The following LRRC14B variants were observed in gnomAD, a reference collection of about 807,000 sequenced individuals.
The protein encoded by LRRC14B is leucine rich repeat containing 14B, also known as leucine-rich repeat-containing protein 14B.
LRRC14B carries 23 observed loss-of-function variants against 16.9 expected under a neutral mutation model. That is an observed-to-expected ratio of 1.36 (90% CI 0.98 to 1.92). LRRC14B has a LOEUF of 1.92. Ranked by LOEUF, LRRC14B falls within the 30% of genes most tolerant of loss-of-function variation. The pLI is 0.00. For synonymous variants in LRRC14B, 358 were observed against 332.5 expected (o/e 1.08, Z -0.83); for missense variants, 766 against 705.7 (o/e 1.09, Z -0.97).
Position 192,167 on chromosome 5 carries a change from CG to C in LRRC14B, c.632del (p.Gly211ValfsTer81). On this transcript the variant is annotated frameshift_variant, in exon 1 of 2. Transcript: ENST00000328278. LOFTEE classifies it high-confidence loss of function. ...CTGCACGTGCTGCGTCTGGCTGGCC[CG>C]GGTGCCCTGCGCAAGCTGGAGGTGG... ...QLLHVLRLAG[P>X]GALRKLEVVH... The C allele has an allele frequency of 6.3e-7, 1 of 1,599,006 alleles. No homozygotes were observed. Among genetic ancestry groups the C allele is most frequent in the South Asian group, 1.1e-5 (1 of 88,578 alleles).
Position 192,202 on chromosome 5 carries a change from G to C in LRRC14B, c.664G>C (p.Val222Leu), listed in dbSNP as rs762837076. 34 of 1,600,390 alleles carry C rather than the reference G, an allele frequency of 2.1e-5. No homozygotes were observed. The highest frequency in any genetic ancestry group is 2.7e-5 in the Non-Finnish European group (32 of 1,174,590). The change falls in exon 1 of 2, where the codon GTG becomes CTG. Residue 222 changes from valine (V) to leucine (L), a missense_variant. By Grantham distance (32) the Val-to-Leu change is conservative. Coordinates refer to ENST00000328278, the MANE Select transcript of LRRC14B (RefSeq NM_001080478.3). Reference sequence around the variant, plus strand: ...GCGCAAGCTGGAGGTGGTGCACAACGTGCGGCTGCATGCGGGCCACGTGCA... The same window carrying C: ...GCGCAAGCTGGAGGTGGTGCACAACCTGCGGCTGCATGCGGGCCACGTGCA... ...ALRKLEVVHN[V>L]RLHAGHVQQL... is the part of the protein sequence containing the mutation.
Position 194,986 on chromosome 5 carries a change from T to G in LRRC14B, c.1178T>G (p.Leu393Arg). The G allele has an allele frequency of 6.2e-7, 1 of 1,613,480 alleles. No individual in the cohort carries two copies. The highest frequency in any genetic ancestry group is 1.1e-5 in the South Asian group (1 of 91,082). The part of the protein sequence containing the change: ...GLSPCHRLRQ[L>R]KFLGNPLSAR... ...AGCCCCTGCCACCGGCTGCGCCAGC[T>G]CAAGTTCCTCGGGAACCCGCTGTCG... Residue 393 changes from leucine (L) to arginine (R), a missense_variant, in exon 2 of 2, where the codon CTC (leucine) becomes CGC (arginine). Coordinates refer to ENST00000328278, the MANE Select transcript of LRRC14B (RefSeq NM_001080478.3).
chr5:193,057 GAGGGGGATGCCCGGCGGTGGGTCCA>G (rs1464241964), intron 1 of LRRC14B, among the ~76,000 whole-genome samples: 1 of 152,136 alleles, frequency 6.6e-6, no homozygotes, highest in African/African-American at 2.4e-5. Context: ...AGGCAGTGGT[GAGGGGGATGCCCGGCGGTGGGTCCA>G]AGGGGGGTGC....
chr5:192,038 G>A lies in LRRC14B; in HGVS notation c.500G>A (p.Gly167Asp). 4 of 1,541,156 alleles carry A rather than the reference G, an allele frequency of 2.6e-6. No homozygotes were observed. Among genetic ancestry groups the A allele is most frequent in the Non-Finnish European group, 3.5e-6 (4 of 1,149,168 alleles). The change falls in exon 1 of 2, where the codon GGC becomes GAC. Residue 167 changes from glycine (G) to aspartate (D), a missense_variant. Transcript: ENST00000328278. Reference protein sequence around the residue: ...EVLADLFVTEGNFEAVVQALR... With the variant: ...EVLADLFVTEDNFEAVVQALR... ...CTCGCCGACCTCTTCGTCACTGAGG[G>A]CAACTTCGAGGCGGTGGTGCAGGCT...
chr5:195,689 C>A lies in LRRC14B; in HGVS notation c.*336C>A. The A allele has an allele frequency of 2.8e-6, 1 of 352,726 alleles. No homozygotes were observed. Among genetic ancestry groups the A allele is most frequent in the South Asian group, 3.1e-5 (1 of 32,094 alleles). The allele number at this position is 352,726 out of a possible 1,614,324, so 21.8% of individuals were successfully genotyped here. A position where few individuals can be genotyped will look rare whatever the true frequency, so the allele number is the denominator to read the frequency against. On this transcript the variant is annotated 3_prime_UTR_variant, in exon 2 of 2. Transcript: ENST00000328278. ...TGAGGAGTGGCCGACCTGGCCTCAG[C>A]GCATCTGGGCACTGGGCGCAAGATG...
chr5:195,141 A>G lies in LRRC14B; in HGVS notation c.1333A>G (p.Lys445Glu). The G allele has an allele frequency of 6.2e-7, 1 of 1,613,986 alleles. No homozygotes were observed. The highest frequency in any genetic ancestry group is 1.7e-5 in the Admixed American group (1 of 60,032). Residue 445 changes from lysine (K) to glutamate (E), a missense_variant, in exon 2 of 2, where the codon AAG becomes GAG. Transcript: ENST00000328278. ...AYPQDELAMS[K>E]FNQQKYDEIA... ...CCCACAGGACGAGCTGGCCATGTCC[A>G]AGTTCAACCAGCAGAAATACGACGA...
chr5:191,830 G>T lies in LRRC14B; in HGVS notation c.292G>T (p.Val98Leu), dbSNP rs751175193. Residue 98 changes from valine (V) to leucine (L), a missense_variant, in exon 1 of 2, where the codon GTG becomes TTG. By Grantham distance (32) the Val-to-Leu change is conservative (BLOSUM62 1). Transcript: ENST00000328278. ...GCTGGTGCGCGGCCTCGCGGACCAC[G>T]TGCTGCAGGACCGGAGCCGCCGGCG... is the stretch of plus-strand genomic sequence containing the variant. ...EALVRGLADHVLQDRSRRRLR... is the reference protein window; with the variant it reads ...EALVRGLADHLLQDRSRRRLR... 3 of 1,529,598 alleles carry T rather than the reference G, an allele frequency of 2.0e-6. No homozygotes were observed. The African/African-American group carries it at 4.1e-5, about 21-fold the overall frequency. The allele number at this position is 1,529,598 out of a possible 1,614,324, so 94.8% of individuals were successfully genotyped here. A position where few individuals can be genotyped will look rare whatever the true frequency, so the allele number is the denominator to read the frequency against.
intron 1 of LRRC14B, among the ~76,000 whole-genome samples, chr5:193,344 G>A (rs1733847968): frequency 6.7e-6 from 1 of 149,088 alleles, no homozygotes; most frequent in South Asian, 2.2e-4. Flanking sequence ...GGGTCTAGGG[G>A]GAAGGGGTGC....
At position 192,398 on chromosome 5, in the gene LRRC14B, CCTT is replaced by C. The variant is rs769997136; in HGVS notation, c.863_865del (p.Phe288del). On this transcript the variant is annotated inframe_deletion, in exon 1 of 2. Transcript: ENST00000328278. ...GCGCAGCTCACTGAGCTCAGTGTGG[CCTT>C]CTCCACGCTGACCGGGAAGATCCCG... The C allele has an allele frequency of 6.4e-7, 1 of 1,569,932 alleles. No homozygotes were observed. Among genetic ancestry groups the C allele is most frequent in the East Asian group, 2.3e-5 (1 of 43,578 alleles).
In LRRC14B at chr5:195,630, C is replaced by A; in HGVS notation, c.*277C>A. 1 of 470,988 alleles carries A rather than the reference C, an allele frequency of 2.1e-6. No individual in the cohort carries two copies. Among genetic ancestry groups the A allele is most frequent in the Non-Finnish European group, 3.9e-6 (1 of 258,690 alleles). 29.2% of individuals were successfully genotyped at this position (470,988 alleles called of 1,614,324 possible). A position where few individuals can be genotyped will look rare whatever the true frequency, so the allele number is the denominator to read the frequency against. ...GTGACAGGGTCAGCGGGGGCAGACG[C>A]CACATGGCAAAGAGCAGAGAAGCCC... On this transcript the variant is annotated 3_prime_UTR_variant, in exon 2 of 2. Transcript: ENST00000328278.
At chr5:193,311 T>C (rs1333713749) in intron 1 of LRRC14B, among the ~76,000 whole-genome samples, 1 of 122,080 alleles carries the variant, frequency 8.2e-6, no homozygotes, top group African/African-American at 3.2e-5. Context: ...CAGTTTTGGG[T>C]CCTGGGGGTG....
In LRRC14B at chr5:194,993, C is replaced by T. The variant is rs1158744895; in HGVS notation, c.1185C>T (p.Phe395=). 3 of 1,613,308 alleles carry T rather than the reference C, an allele frequency of 1.9e-6. No homozygotes were observed. The change falls in exon 2 of 2, where the codon TTC becomes TTT. Residue 395 remains phenylalanine (F), a synonymous_variant. Coordinates refer to ENST00000328278, the MANE Select transcript of LRRC14B (RefSeq NM_001080478.3). ...GCCACCGGCTGCGCCAGCTCAAGTT[C>T]CTCGGGAACCCGCTGTCGGCCCGCG... ...SPCHRLRQLK[F]LGNPLSARAL...
chr5:192,769 A>C (rs924882816), intron 1 of LRRC14B, among the ~76,000 whole-genome samples: 1 of 152,240 alleles, frequency 6.6e-6, no homozygotes, highest in Non-Finnish European at 1.5e-5. Flanking sequence ...GACTCACCCC[A>C]ACACTTGGGG....
At chr5:193,498 T>G (rs1579349489) in intron 1 of LRRC14B, among the ~76,000 whole-genome samples, 2 of 66,690 alleles carry the variant, frequency 3.0e-5, no homozygotes, top group African/African-American at 6.5e-5. Context: ...TGCCTGGCGG[T>G]GGTAGGGGTG....
chr5:192,174 C>A lies in LRRC14B; in HGVS notation c.636C>A (p.Ala212=). The stretch of plus-strand genomic sequence containing the variant: ...TGCTGCGTCTGGCTGGCCCGGGTGC[C>A]CTGCGCAAGCTGGAGGTGGTGCACA... The part of the protein sequence containing the change: ...LHVLRLAGPG[A]LRKLEVVHNV... The change falls in exon 1 of 2, where the codon GCC becomes GCA. Residue 212 remains alanine, a synonymous_variant. Coordinates refer to ENST00000328278, the MANE Select transcript of LRRC14B (RefSeq NM_001080478.3). 6.2e-7 allele frequency: 1 copy of A among 1,600,242 alleles called. No homozygotes were observed. Among genetic ancestry groups the A allele is most frequent in the Admixed American group, 1.7e-5 (1 of 58,586 alleles).
rs754123581 is a variant in LRRC14B, at chr5:194,696, C to T, written c.900-12C>T. ...CTCCTCTCACCTGTGCTCTTTCCCC[C>T]GTGTCCTGCAGCCCCCTACAGACCC... On this transcript the variant is annotated splice_polypyrimidine_tract_variant and intron_variant, in intron 1 of 1. Transcript: ENST00000328278. 1.1e-5 allele frequency: 17 copies of T among 1,585,306 alleles called. No individual in the cohort carries two copies. In the African/African-American group the frequency reaches 1.3e-4, roughly 13 times the overall value.
At chr5:193,285 G>A (rs1234806681) in intron 1 of LRRC14B, among the ~76,000 whole-genome samples, 1 of 150,554 alleles carries the variant, frequency 6.6e-6, no homozygotes, top group African/African-American at 2.5e-5. Context: ...ACCTAGCGGT[G>A]GGTCCGGGGG....
rs1260860345 is a variant in LRRC14B, at chr5:191,911, T to C, written c.373T>C (p.Cys125Arg). 10 of 1,505,684 alleles carry C rather than the reference T, an allele frequency of 6.6e-6. No individual in the cohort carries two copies. The East Asian group carries it at 2.5e-4, about 38-fold the overall frequency. The allele number at this position is 1,505,684 out of a possible 1,614,324, so 93.3% of individuals were successfully genotyped here. The change falls in exon 1 of 2, where the codon TGC becomes CGC. Residue 125 changes from cysteine to arginine, a missense_variant. Physicochemically the swap from Cys to Arg is radical, Grantham distance 180 (BLOSUM62 -3). Coordinates refer to ENST00000328278, the MANE Select transcript of LRRC14B (RefSeq NM_001080478.3). ...AGATGTGCAGGTGCAGCGGTGCCCG[T>C]GCGGGAGGGCGCTGGGCAGGTGGGG... ...IRDVQVQRCP[C>R]GRALGRWGRT...
chr5:195,342 C>T lies in LRRC14B; in HGVS notation c.1534C>T (p.Gln512Ter), dbSNP rs1733897028. The change falls in exon 2 of 2, where the codon CAA (glutamine) becomes TAA (stop). Residue 512 changes from glutamine to a stop codon, truncating the protein, a stop_gained. Transcript: ENST00000328278. LOFTEE classifies it high-confidence loss of function. ...ALENFSRALK[Q>*]IE The stretch of plus-strand genomic sequence containing the variant: ...AGAAAACTTCTCCAGAGCACTCAAA[C>T]AAATAGAGTAGTTCCTCCACTCGCA... 1 of 1,601,660 alleles carries T rather than the reference C, an allele frequency of 6.2e-7. No homozygotes were observed. The highest frequency in any genetic ancestry group is 8.5e-7 in the Non-Finnish European group (1 of 1,179,478).
Sources: allele counts gnomAD v4.1 joint callset (sites outside exome capture counted in the v4.1 genomes callset), GRCh38; gene constraint gnomAD v4.1.1; transcripts MANE v1.5; gene names NCBI Gene and HGNC (gene_info 2026-07-23, HGNC 2026-07-21).